SRBD1: variants seen among roughly 807,000 people sequenced by gnomAD.
SRBD1 encodes the protein S1 RNA-binding domain-containing protein 1.
A neutral mutation model predicts 115.3 loss-of-function variants in SRBD1; 88 were observed. The observed-to-expected ratio is 0.76, with a 90% CI of 0.64 to 0.91. The LOEUF is 0.91. Ranked by LOEUF, SRBD1 falls within the 40% of genes least tolerant of loss-of-function variation. The pLI is 0.00. For missense variants in SRBD1, 1,385 were observed against 1,177.4 expected, an observed-to-expected ratio of 1.18 and a Z score of -2.58; for synonymous variants, 509 against 407.7, an observed-to-expected ratio of 1.25 and a Z score of -2.99.
intron 19 of SRBD1, among the ~76,000 whole-genome samples, chr2:45,408,561 C>T: frequency 6.6e-6 from 1 of 152,160 alleles, no homozygotes; most frequent in East Asian, 1.9e-4. Context: ...AACTGGACCA[C>T]ATCAAAGCTG....
chr2:45,501,639 T>C (rs992421844), intron 14 of SRBD1, among the ~76,000 whole-genome samples: 1 of 152,148 alleles, frequency 6.6e-6, no homozygotes, highest in Admixed American at 6.5e-5. Context: ...ACCAGGAGAT[T>C]ATATCCCACG....
intron 14 of SRBD1, among the ~76,000 whole-genome samples, chr2:45,503,629 G>A (rs914071109): frequency 3.3e-5 from 5 of 152,072 alleles, no homozygotes; most frequent in Non-Finnish European, 4.4e-5. Flanking sequence ...CAAATTAAGA[G>A]GAACCAAAGA....
At chr2:45,592,219 T>G (rs1291030590) in intron 4 of SRBD1, among the ~76,000 whole-genome samples, 14 of 152,122 alleles carry the variant, frequency 9.2e-5, no homozygotes, top group Admixed American at 9.2e-4. Context: ...CACTTTTTCT[T>G]CCCAGTCTTG....
chr2:45,565,445 G>A (rs190915899), intron 9 of SRBD1, among the ~76,000 whole-genome samples: 4 of 152,038 alleles, frequency 2.6e-5, no homozygotes, highest in Admixed American at 6.6e-5. Flanking sequence ...AAAAGTGGAC[G>A]GACCCCTACT....
intron 10 of SRBD1, among the ~76,000 whole-genome samples, chr2:45,554,448 G>C (rs116646606): frequency 1.4e-3 from 217 of 152,210 alleles, no homozygotes; most frequent in African/African-American, 5.0e-3. Flanking sequence ...CTCTTTCTGA[G>C]AGTTAAAGTA....
chr2:45,426,931 A>C (rs796493095), intron 16 of SRBD1, among the ~76,000 whole-genome samples: 8 of 152,330 alleles, frequency 5.3e-5, no homozygotes, highest in African/African-American at 1.9e-4. Context: ...AAAAACCAGA[A>C]TGCCTCTTCT....
chr2:45,589,816 C>G (rs1182925471), intron 4 of SRBD1, among the ~76,000 whole-genome samples: 1 of 152,128 alleles, frequency 6.6e-6, no homozygotes, highest in Admixed American at 6.6e-5. Flanking sequence ...AATAACCATA[C>G]TAAGCCAATG....
intron 16 of SRBD1, among the ~76,000 whole-genome samples, chr2:45,450,106 G>A (rs1668948197): frequency 1.3e-5 from 2 of 152,124 alleles, no homozygotes; most frequent in African/African-American, 4.8e-5. Flanking sequence ...AAGCACAGGA[G>A]GCCTACGATA....
chr2:45,405,023 A>T (rs548527171), intron 19 of SRBD1, among the ~76,000 whole-genome samples: 5 of 152,146 alleles, frequency 3.3e-5, no homozygotes, highest in African/African-American at 1.2e-4. Flanking sequence ...GAGGCCTGCG[A>T]TGACTACCCT....
chr2:45,502,953 G>A (rs868568491), intron 14 of SRBD1, among the ~76,000 whole-genome samples: 10 of 152,214 alleles, frequency 6.6e-5, no homozygotes, highest in Middle Eastern at 3.4e-3. Flanking sequence ...CCAAAGTGCT[G>A]GGATGACAGG....
At chr2:45,575,473 C>T (rs559820667) in intron 7 of SRBD1, among the ~76,000 whole-genome samples, 178 of 152,210 alleles carry the variant, frequency 1.2e-3, no homozygotes, top group African/African-American at 3.9e-3. Context: ...TTGCATGAAA[C>T]GTTTTTTGCA....
Position 45,410,493 on chromosome 2 carries a change from T to C in SRBD1, c.2513+2621A>G, listed in dbSNP as rs1259040637. On this transcript the variant is annotated intron_variant, in intron 19 of 20. Transcript: ENST00000263736. ...CTGGAAATAAGCAAGGTTCATGTGA[T>C]ATTGGGAAGTACATATCTGGCTTTC... 2.6e-5 allele frequency among the ~76,000 whole-genome samples: 4 copies of C among 152,338 alleles called. No homozygotes were observed. In the East Asian group the frequency reaches 5.8e-4, roughly 22 times the overall value.
At chr2:45,586,999 T>TAAAATATTTAAAATTATTTTAAAATA (rs1673553489) in intron 4 of SRBD1, among the ~76,000 whole-genome samples, 2 of 61,762 alleles carry the variant, frequency 3.2e-5, no homozygotes, top group African/African-American at 8.3e-5. Flanking sequence ...TTTTAAATAT[T>TAAAATATTTAAAATTATTTTAAAATA]TAATTATTTT....
intron 19 of SRBD1, among the ~76,000 whole-genome samples, chr2:45,407,382 T>C (rs190439094): frequency 4.2e-4 from 64 of 152,262 alleles, no homozygotes; most frequent in Admixed American, 1.2e-3. Flanking sequence ...GCATAAAACT[T>C]TACAAGATTC....
intron 16 of SRBD1, among the ~76,000 whole-genome samples, chr2:45,444,075 G>C (rs1488373029): frequency 2.0e-5 from 3 of 152,020 alleles, no homozygotes; most frequent in East Asian, 1.9e-4. Context: ...CTCTACATAA[G>C]AAAATCCATT....
intron 1 of SRBD1, among the ~76,000 whole-genome samples, chr2:45,610,156 A>C (rs1378191584): frequency 2.6e-5 from 4 of 152,252 alleles, no homozygotes; most frequent in Non-Finnish European, 5.9e-5. Flanking sequence ...AGCATATTCC[A>C]AACCAATAAT....
At chr2:45,520,174 G>C (rs1671238557) in intron 14 of SRBD1, among the ~76,000 whole-genome samples, 1 of 152,234 alleles carries the variant, frequency 6.6e-6, no homozygotes, top group African/African-American at 2.4e-5. Flanking sequence ...CAAGCTGTCA[G>C]CATGAGCAGC....
At chr2:45,491,196 ACTTT>A (rs1490491985) in intron 14 of SRBD1, among the ~76,000 whole-genome samples, 1 of 152,176 alleles carries the variant, frequency 6.6e-6, no homozygotes, top group Non-Finnish European at 1.5e-5. Context: ...TTACGAAAAC[ACTTT>A]CTGTTTGATG....
At chr2:45,532,658 C>T (rs917316155) in intron 14 of SRBD1, among the ~76,000 whole-genome samples, 1 of 151,388 alleles carries the variant, frequency 6.6e-6, no homozygotes, top group South Asian at 2.1e-4. Context: ...TGCTATGAAG[C>T]GGAAAAGTAA....
Sources: gnomAD v4.1 joint callset for allele counts (sites outside exome capture counted in the v4.1 genomes callset) on GRCh38, gnomAD v4.1.1 for gene constraint, MANE v1.5 for transcripts, NCBI Gene and HGNC (gene_info 2026-07-23, HGNC 2026-07-21) for gene names.